The following SULF1 variants were observed in gnomAD, a reference collection of about 807,000 sequenced individuals.
SULF1 encodes the protein extracellular sulfatase Sulf-1.
SULF1 carries 46 observed loss-of-function variants against 110.5 expected under a neutral mutation model. That is an observed-to-expected ratio of 0.42 (90% CI 0.33 to 0.53). The LOEUF is 0.53. Ranked by LOEUF, SULF1 falls within the 20% of genes least tolerant of loss-of-function variation. SULF1 has a pLI of 0.12. For missense variants in SULF1, 941 were observed against 1,094.2 expected (o/e 0.86, Z 1.98); for synonymous variants, 371 against 387.1 (o/e 0.96, Z 0.49).
chr8:69,541,593 A>T (rs1355999724), intron 3 of SULF1, among the ~76,000 whole-genome samples: 1 of 152,262 alleles, frequency 6.6e-6, no homozygotes, highest in Non-Finnish European at 1.5e-5. Flanking sequence ...TTTTAAAGCA[A>T]GCACAGTAAT....
intron 22 of SULF1, among the ~76,000 whole-genome samples, chr8:69,642,689 AGG>A (rs1337714576): frequency 6.6e-6 from 1 of 152,224 alleles, no homozygotes; most frequent in Non-Finnish European, 1.5e-5. Context: ...TTTATAGCTA[AGG>A]GTTTTTCAGT....
intron 1 of SULF1, among the ~76,000 whole-genome samples, chr8:69,473,960 CA>C: frequency 6.6e-6 from 1 of 152,300 alleles, no homozygotes; most frequent in Middle Eastern, 3.4e-3. Context: ...AGGTTTGTTT[CA>C]AGAACTCAGG....
At chr8:69,586,764 C>T (rs898604116) in intron 7 of SULF1, among the ~76,000 whole-genome samples, 1 of 151,776 alleles carries the variant, frequency 6.6e-6, no homozygotes, top group Admixed American at 6.6e-5. Flanking sequence ...AATCAGAATT[C>T]TCTGCTCTCT....
intron 1 of SULF1, among the ~76,000 whole-genome samples, chr8:69,473,079 G>A (rs2005371): frequency 0.25 from 37,483 of 151,728 alleles, 4,871 homozygotes; most frequent in Non-Finnish European, 0.3. Context: ...GCCTCAAGTG[G>A]TCCTCCCAGT....
chr8:69,603,526 AATAAGCTGTTAGCACAG>A, intron 11 of SULF1, 57 bp from the exon 12 acceptor site: 1 of 1,356,078 alleles, frequency 7.4e-7, no homozygotes, highest in Non-Finnish European at 1.1e-6. Context: ...TGTTTCTTTA[AATAAGCTGTTAGCACAG>A]ATCCATTTGG....
chr8:69,630,073 T>C (rs1002091132), intron 19 of SULF1, among the ~76,000 whole-genome samples: 1 of 152,102 alleles, frequency 6.6e-6, no homozygotes, highest in African/African-American at 2.4e-5. Context: ...ATAAGTGTAA[T>C]AAAAGGAAGA....
At position 69,580,672 on chromosome 8, in the gene SULF1, A is replaced by C. The variant is rs534367961; in HGVS notation, c.412+4463A>C. On this transcript the variant is annotated intron_variant, in intron 6 of 22. Transcript: ENST00000402687. The stretch of plus-strand genomic sequence containing the variant: ...GAATTATAATCCTAACACATGGTAC[A>C]TAAAATCACATATGAGTTAAATCTT... 2.1e-3 allele frequency among the ~76,000 whole-genome samples: 315 copies of C among 152,338 alleles called. 1 individual carries two copies. Among genetic ancestry groups the C allele is most frequent in the African/African-American group, 7.3e-3 (305 of 41,588 alleles).
rs935498025 is a variant in SULF1 at position 69,589,221 on chromosome 8, G to C, written c.734+80G>C. Reference sequence around the variant, plus strand: ...TCATCCCACTCCTCTCCTTTACCCCGTTTCCTTCCACCCTGCGTATCCACA... The same window carrying C: ...TCATCCCACTCCTCTCCTTTACCCCCTTTCCTTCCACCCTGCGTATCCACA... On this transcript the variant is annotated intron_variant, in intron 8 of 22. Coordinates refer to ENST00000402687, the MANE Select transcript of SULF1 (RefSeq NM_001128205.2). The C allele has an allele frequency of 2.8e-5, 39 of 1,375,014 alleles. No individual in the cohort carries two copies. In the Admixed American group the frequency reaches 6.9e-4, roughly 24 times the overall value. The allele number at this position is 1,375,014 out of a possible 1,614,324, so 85.2% of individuals were successfully genotyped here.
chr8:69,572,869 C>T (rs1463134889), intron 5 of SULF1, among the ~76,000 whole-genome samples: 1 of 152,170 alleles, frequency 6.6e-6, no homozygotes, highest in Non-Finnish European at 1.5e-5. Flanking sequence ...GCTTTGTCCC[C>T]CAGGCTGAAG....
At position 69,624,202 on chromosome 8, in the gene SULF1, G is replaced by A; in HGVS notation, c.1850+5G>A. On this transcript the variant is annotated splice_donor_5th_base_variant and intron_variant, in intron 15 of 22. Coordinates refer to ENST00000402687, the MANE Select transcript of SULF1 (RefSeq NM_001128205.2). The stretch of plus-strand genomic sequence containing the variant: ...CACTGTCCGAGTGACACACAAGTAA[G>A]AAAGCTTTATTTGTTCACTAGGGTT... The A allele has an allele frequency of 6.4e-7, 1 of 1,563,148 alleles. No individual in the cohort carries two copies.
At chr8:69,612,642 T>C (rs965639304) in intron 13 of SULF1, among the ~76,000 whole-genome samples, 8 of 152,192 alleles carry the variant, frequency 5.3e-5, no homozygotes, top group African/African-American at 1.9e-4. Context: ...TGGCTGTTTG[T>C]GTATCTTCTT....
chr8:69,573,734 T>G (rs1189211478), intron 5 of SULF1, among the ~76,000 whole-genome samples: 1 of 152,188 alleles, frequency 6.6e-6, no homozygotes, highest in East Asian at 1.9e-4. Context: ...TCCACTTATC[T>G]CCAGGATATT....
At chr8:69,485,401 T>G (rs1809662474) in intron 1 of SULF1, among the ~76,000 whole-genome samples, 1 of 152,174 alleles carries the variant, frequency 6.6e-6, no homozygotes, top group African/African-American at 2.4e-5. Flanking sequence ...CAATCACACA[T>G]GGGGCTCAGG....
At chr8:69,557,246 A>G (rs1454523654) in intron 3 of SULF1, among the ~76,000 whole-genome samples, 1 of 152,146 alleles carries the variant, frequency 6.6e-6, no homozygotes, top group Non-Finnish European at 1.5e-5. Flanking sequence ...GATCATTTGG[A>G]CCACAATTGG....
chr8:69,482,006 A>C (rs1050419591), intron 1 of SULF1, among the ~76,000 whole-genome samples: 1 of 152,202 alleles, frequency 6.6e-6, no homozygotes, highest in African/African-American at 2.4e-5. Context: ...TCTTCCATTG[A>C]GTAGCAACTG....
At chr8:69,472,858 A>G (rs1213582840) in intron 1 of SULF1, among the ~76,000 whole-genome samples, 1 of 152,092 alleles carries the variant, frequency 6.6e-6, no homozygotes, top group Non-Finnish European at 1.5e-5. Context: ...ATTTTTTGAG[A>G]CAATGTCTCA....
intron 3 of SULF1, among the ~76,000 whole-genome samples, chr8:69,522,351 G>A (rs527519222): frequency 4.6e-5 from 7 of 152,232 alleles, no homozygotes; most frequent in African/African-American, 9.6e-5. Flanking sequence ...AGCCAAAGAC[G>A]AATTCAAGAT....
At position 69,576,220 on chromosome 8, in the gene SULF1, A is replaced by G. The variant is rs750981183; in HGVS notation, c.412+11A>G. On this transcript the variant is annotated intron_variant, in intron 6 of 22. Coordinates refer to ENST00000402687, the MANE Select transcript of SULF1 (RefSeq NM_001128205.2). ...CTGGCTACAGAACAGGTAAGGGATG[A>G]CGTTTCTAGCCCATGAACGTCTTGT... is the stretch of plus-strand genomic sequence containing the variant. 1 of 1,611,782 alleles carries G rather than the reference A, an allele frequency of 6.2e-7. No individual in the cohort carries two copies. The highest frequency in any genetic ancestry group is 1.1e-5 in the South Asian group (1 of 90,810).
intron 3 of SULF1, among the ~76,000 whole-genome samples, chr8:69,540,303 A>G (rs911867918): frequency 6.6e-6 from 1 of 152,260 alleles, no homozygotes; most frequent in African/African-American, 2.4e-5. Flanking sequence ...ATTATTTTCT[A>G]CAAATAGAGA....
Sources: allele counts gnomAD v4.1 joint callset (sites outside exome capture counted in the v4.1 genomes callset), GRCh38; gene constraint gnomAD v4.1.1; transcripts MANE v1.5; gene names NCBI Gene and HGNC (gene_info 2026-07-23, HGNC 2026-07-21).